STK38L: variants seen among roughly 807,000 people sequenced by gnomAD.
STK38L encodes the protein serine/threonine-protein kinase 38-like.
STK38L carries 28 observed loss-of-function variants against 59.7 expected under a neutral mutation model. The observed-to-expected ratio is 0.47, with a 90% CI of 0.35 to 0.64. STK38L has a LOEUF of 0.64. Ranked by LOEUF, STK38L falls within the 30% of genes least tolerant of loss-of-function variation. The pLI, the probability that STK38L is intolerant of heterozygous loss-of-function variation, is 0.01. For synonymous variants in STK38L, 162 were observed against 176.8 expected (o/e 0.92, Z 0.66); for missense variants, 314 against 555.8 (o/e 0.56, Z 4.37).
chr12:27,279,502 A>G (rs1459002610), intron 1 of STK38L, among the ~76,000 whole-genome samples: 1 of 152,014 alleles, frequency 6.6e-6, no homozygotes, highest in Non-Finnish European at 1.5e-5. Context: ...AGGCGGGTGG[A>G]TCACCTGAGG....
At chr12:27,251,457 A>G (rs1016524113) in intron 1 of STK38L, among the ~76,000 whole-genome samples, 7 of 152,218 alleles carry the variant, frequency 4.6e-5, no homozygotes, top group African/African-American at 1.7e-4. Context: ...GATTAAAGTG[A>G]CTTGTCTGAG....
chr12:27,288,807 C>G (rs1166829459), intron 1 of STK38L, among the ~76,000 whole-genome samples: 1 of 151,984 alleles, frequency 6.6e-6, no homozygotes, highest in Non-Finnish European at 1.5e-5. Flanking sequence ...CATACTCACT[C>G]TGGTCTCCCC....
intron 1 of STK38L, among the ~76,000 whole-genome samples, chr12:27,293,249 C>T (rs1177926555): frequency 6.6e-6 from 1 of 152,222 alleles, no homozygotes; most frequent in African/African-American, 2.4e-5. Context: ...TTTTGTCCAC[C>T]TCTAGCCCCC....
At chr12:27,255,360 A>G (rs1175412915) in intron 1 of STK38L, among the ~76,000 whole-genome samples, 1 of 152,248 alleles carries the variant, frequency 6.6e-6, no homozygotes, top group Non-Finnish European at 1.5e-5. Context: ...AGAAAACATT[A>G]TCAAACAACA....
In STK38L at chr12:27,323,971, T is replaced by C. The variant is rs1011231518; in HGVS notation, c.*1516T>C. On this transcript the variant is annotated 3_prime_UTR_variant, in exon 14 of 14. Transcript: ENST00000389032. ...ACCATGATAACCATTATAAATGATC[T>C]ATGATCAAAATCTAAAGTGATGAAT... is the stretch of plus-strand genomic sequence containing the variant. 3 of 152,134 alleles carry C rather than the reference T, an allele frequency of 2.0e-5. No individual in the cohort carries two copies. The highest frequency in any genetic ancestry group is 4.8e-5 in the African/African-American group (2 of 41,444). The allele number at this position is 152,134 out of a possible 1,614,324, so 9.4% of individuals were successfully genotyped here.
intron 1 of STK38L, among the ~76,000 whole-genome samples, chr12:27,293,422 T>C (rs1401805297): frequency 6.6e-6 from 1 of 152,254 alleles, no homozygotes; most frequent in East Asian, 1.9e-4. Flanking sequence ...ATAACAGTTC[T>C]CTTTGTTTTG....
intron 1 of STK38L, among the ~76,000 whole-genome samples, chr12:27,277,868 A>G (rs1943571461): frequency 6.6e-6 from 1 of 152,176 alleles, no homozygotes; most frequent in Admixed American, 6.5e-5. Context: ...GTAATTTTGG[A>G]AAGAATTGCC....
At chr12:27,281,886 A>G (rs1208266815) in intron 1 of STK38L, among the ~76,000 whole-genome samples, 1 of 152,058 alleles carries the variant, frequency 6.6e-6, no homozygotes, top group East Asian at 1.9e-4. Flanking sequence ...AATACAAAAA[A>G]TCAGCCGGGC....
intron 5 of STK38L, among the ~76,000 whole-genome samples, chr12:27,311,620 G>A (rs565835716): frequency 2.0e-5 from 3 of 152,196 alleles, no homozygotes; most frequent in African/African-American, 7.2e-5. Context: ...ATTTTCACAT[G>A]ATAGTATCTC....
chr12:27,265,999 G>C (rs770548966), intron 1 of STK38L, among the ~76,000 whole-genome samples: 1 of 152,124 alleles, frequency 6.6e-6, no homozygotes, highest in Non-Finnish European at 1.5e-5. Flanking sequence ...CCTTCACCAG[G>C]TAGAAACTCC....
intron 1 of STK38L, among the ~76,000 whole-genome samples, chr12:27,294,840 A>G (rs981978839): frequency 6.6e-6 from 1 of 151,288 alleles, no homozygotes; most frequent in African/African-American, 2.4e-5. Context: ...CCTCCAGAGT[A>G]GCTGTGACTA....
chr12:27,318,486 T>C (rs1233435562), intron 11 of STK38L, among the ~76,000 whole-genome samples: 2 of 152,216 alleles, frequency 1.3e-5, no homozygotes, highest in Non-Finnish European at 2.9e-5. Context: ...ATTATTTTTT[T>C]AAAATCCCTA....
At chr12:27,283,486 T>G (rs773505744) in intron 1 of STK38L, among the ~76,000 whole-genome samples, 2 of 152,236 alleles carry the variant, frequency 1.3e-5, no homozygotes, top group Non-Finnish European at 2.9e-5. Flanking sequence ...TATCTCTGTT[T>G]TATAGATAAG....
chr12:27,259,406 G>T (rs976283976), intron 1 of STK38L, among the ~76,000 whole-genome samples: 1 of 152,138 alleles, frequency 6.6e-6, no homozygotes, highest in East Asian at 1.9e-4. Flanking sequence ...GCCGCTTCAC[G>T]TGTCATGGGC....
chr12:27,320,780 A>ATTT (rs71437393), intron 12 of STK38L, among the ~76,000 whole-genome samples: 3 of 130,054 alleles, frequency 2.3e-5, no homozygotes, highest in Non-Finnish European at 1.7e-5. Flanking sequence ...GCAGCTAGTA[A>ATTT]TTTTTTTTTT....
At chr12:27,251,823 C>T (rs1371071092) in intron 1 of STK38L, among the ~76,000 whole-genome samples, 1 of 152,188 alleles carries the variant, frequency 6.6e-6, no homozygotes, top group Non-Finnish European at 1.5e-5. Context: ...TGTTAAAGTC[C>T]TTAATTCTTA....
chr12:27,319,453 T>G (rs1944671456), intron 12 of STK38L, 30 bp downstream of exon 12: 1 of 1,543,152 alleles, frequency 6.5e-7, no homozygotes, highest in Admixed American at 1.9e-5. Flanking sequence ...ATGGGAAAGG[T>G]CTGAGTAAAA....
At chr12:27,284,541 G>A (rs945096517) in intron 1 of STK38L, among the ~76,000 whole-genome samples, 5 of 152,168 alleles carry the variant, frequency 3.3e-5, no homozygotes, top group African/African-American at 1.2e-4. Flanking sequence ...TCTTAGACCT[G>A]TAGTAGAGTC....
At chr12:27,283,906 A>G (rs1350781422) in intron 1 of STK38L, among the ~76,000 whole-genome samples, 3 of 152,186 alleles carry the variant, frequency 2.0e-5, no homozygotes, top group African/African-American at 7.2e-5. Flanking sequence ...TTTGGGGCGC[A>G]CAGCTAAATA....
Sources: gnomAD v4.1 joint callset for allele counts (sites outside exome capture counted in the v4.1 genomes callset) on GRCh38, gnomAD v4.1.1 for gene constraint, MANE v1.5 for transcripts, NCBI Gene and HGNC (gene_info 2026-07-23, HGNC 2026-07-21) for gene names.